Variants in TECR observed in about 807,000 individuals in gnomAD.
TECR encodes the protein trans-2,3-enoyl-CoA reductase, also known as very-long-chain enoyl-CoA reductase.
Under a neutral mutation model 50.6 loss-of-function variants are expected in TECR, and 19 were observed. The ratio of observed to expected loss-of-function variants is 0.38; its 90% confidence interval spans 0.26 to 0.55. The LOEUF (loss-of-function observed/expected upper bound fraction) is 0.55. Among genes scored for constraint, TECR ranks in the 20% least tolerant of loss-of-function variants. TECR has a pLI of 0.79. For missense variants in TECR, 313 were observed against 408.3 expected, an observed-to-expected ratio of 0.77 and a Z score of 2.01; for synonymous variants, 168 against 163.5, an observed-to-expected ratio of 1.03 and a Z score of -0.21.
Position 14,529,631 on chromosome 19 carries a change from G to T in TECR, c.-66G>T, listed in dbSNP as rs377724067. ...GCTGCGGTTGCGAGCGCTGTAGGGA[G>T]CCTGTGCTGTGCCGCGCAGTTAGGC... is the stretch of plus-strand genomic sequence containing the variant. On this transcript the variant is annotated 5_prime_UTR_variant, in exon 1 of 13. Transcript: ENST00000215567. 2.2e-4 allele frequency: 351 copies of T among 1,612,784 alleles called. 2 individuals carry two copies. The highest frequency in any genetic ancestry group is 1.1e-3 in the South Asian group (101 of 91,068).
In TECR at chr19:14,563,648, C is replaced by A. The variant is rs936476818; in HGVS notation, c.119-10C>A. ...GGCTGTGGGCTGTAACTGCCCTGTT[C>A]TCCCCGCAGATCCGCAGTGGTACCC... On this transcript the variant is annotated splice_polypyrimidine_tract_variant and intron_variant, in intron 3 of 12. Coordinates refer to ENST00000215567, the MANE Select transcript of TECR (RefSeq NM_138501.6). The surrounding 1 kb of genome is among the most constrained non-coding windows in gnomAD (Gnocchi z 5.3). 17 of 1,611,300 alleles carry A rather than the reference C, an allele frequency of 1.1e-5. No homozygotes were observed. The highest frequency in any genetic ancestry group is 2.7e-5 in the African/African-American group (2 of 74,838).
intron 8 of TECR, 31 bp downstream of exon 8, chr19:14,564,889 C>G (rs1235453907): frequency 1.2e-6 from 2 of 1,614,068 alleles, no homozygotes; most frequent in Admixed American, 1.7e-5. Context: ...CTTCCCTCCC[C>G]CACGGTCCCC....
At position 14,565,898 on chromosome 19, in the gene TECR, C is replaced by T. The variant is rs755908499; in HGVS notation, c.*27C>T. 7.7e-6 allele frequency: 12 copies of T among 1,563,728 alleles called. No homozygotes were observed. Among genetic ancestry groups the T allele is most frequent in the Non-Finnish European group, 1.0e-5 (12 of 1,156,782 alleles). On this transcript the variant is annotated 3_prime_UTR_variant, in exon 13 of 13. Transcript: ENST00000215567. ...CGCTCACCCCTGCTGAGGCTCAGCCCCTCAACCCGGTGGCATTCTGGGGGA... is the reference window on the plus strand; with the variant it reads ...CGCTCACCCCTGCTGAGGCTCAGCCTCTCAACCCGGTGGCATTCTGGGGGA...
chr19:14,563,401 C>A lies in TECR; in HGVS notation c.118+144C>A. 1 of 894,130 alleles carries A rather than the reference C, an allele frequency of 1.1e-6. No homozygotes were observed. The highest frequency in any genetic ancestry group is 1.8e-6 in the Non-Finnish European group (1 of 557,940). The allele number at this position is 894,130 out of a possible 1,614,324, so 55.4% of individuals were successfully genotyped here. A position where few individuals can be genotyped will look rare whatever the true frequency, so the allele number is the denominator to read the frequency against. On this transcript the variant is annotated intron_variant, in intron 3 of 12. Coordinates refer to ENST00000215567, the MANE Select transcript of TECR (RefSeq NM_138501.6). The surrounding 1 kb of genome is among the most constrained non-coding windows in gnomAD (Gnocchi z 5.3). ...CCAGGCTTCTGGGGCGTGACTGGGG[C>A]AGGCGCCTCCACGTGGCACTCCGCA...
At chr19:14,537,022 T>G (rs1323419372) in intron 1 of TECR, among the ~76,000 whole-genome samples, 131 of 53,172 alleles carry the variant, frequency 2.5e-3, no homozygotes, top group African/African-American at 2.9e-3. Flanking sequence ...CGGGGAGGGG[T>G]GTCGAGGAGG....
At chr19:14,539,274 G>A (rs1420063303) in intron 1 of TECR, among the ~76,000 whole-genome samples, 2 of 150,544 alleles carry the variant, frequency 1.3e-5, no homozygotes, top group South Asian at 2.1e-4. Flanking sequence ...GATTACAGGC[G>A]TGAGCCACCA....
intron 1 of TECR, among the ~76,000 whole-genome samples, chr19:14,553,710 G>A (rs1164428542): frequency 1.3e-5 from 2 of 152,044 alleles, no homozygotes; most frequent in Non-Finnish European, 2.9e-5. Context: ...TGATGGGGGC[G>A]AGGTGATGGG....
In TECR at chr19:14,563,235, C is replaced by G. The variant is rs757780004; in HGVS notation, c.96C>G (p.Ile32Met). The change falls in exon 3 of 13, where the codon ATC becomes ATG. Residue 32 changes from isoleucine (I) to methionine (M), a missense_variant. Ile to Met is a conservative substitution (Grantham distance 10). Coordinates refer to ENST00000215567, the MANE Select transcript of TECR (RefSeq NM_138501.6). The surrounding 1 kb of genome is among the most constrained non-coding windows in gnomAD (Gnocchi z 5.3). ...KVEPHATIAE[I>M]KNLFTKTHPQ... ...AGCCCCACGCCACCATTGCGGAGAT[C>G]AAGAACCTCTTCACTAAGACCCGTG... The G allele has an allele frequency of 6.2e-7, 1 of 1,613,656 alleles. No individual in the cohort carries two copies.
rs143859536 is a variant in TECR at position 14,536,161 on chromosome 19, G to A, written c.15+6450G>A. ...CAGTATTGATTGATACTCTTCCTGG[G>A]AAGGTGGCAATGCTTACGGGCTTTG... On this transcript the variant is annotated intron_variant, in intron 1 of 12. Coordinates refer to ENST00000215567, the MANE Select transcript of TECR (RefSeq NM_138501.6). Among the ~76,000 whole-genome samples the A allele has an allele frequency of 8.7e-3, 1,331 of 152,252 alleles. 17 individuals are homozygous for A. The highest frequency in any genetic ancestry group is 0.031 in the African/African-American group (1,283 of 41,558).
intron 1 of TECR, among the ~76,000 whole-genome samples, chr19:14,543,358 T>G (rs569021729): frequency 1.4e-5 from 2 of 138,094 alleles, no homozygotes; most frequent in Non-Finnish European, 3.1e-5. Flanking sequence ...TTGGAAACAG[T>G]GTATTGCCTG....
rs756051119 is a variant in TECR at position 14,534,423 on chromosome 19, C to CTTTTTT, written c.15+4737_15+4742dup. Reference sequence around the variant, plus strand: ...ACAGGAGTGAGCCACCATGCCTGGCCTTTTTTTTTTTTTTTTTTTTTTTTT... The same window carrying CTTTTTT: ...ACAGGAGTGAGCCACCATGCCTGGCCTTTTTTTTTTTTTTTTTTTTTTTTTTTTTTT... On this transcript the variant is annotated intron_variant, in intron 1 of 12. Coordinates refer to ENST00000215567, the MANE Select transcript of TECR (RefSeq NM_138501.6). Among the ~76,000 whole-genome samples the CTTTTTT allele has an allele frequency of 2.5e-4, 13 of 52,488 alleles. 3 individuals are homozygous for CTTTTTT. The highest frequency in any genetic ancestry group is 9.3e-4 in the African/African-American group (10 of 10,704). 34.4% of individuals were successfully genotyped at this position (52,488 alleles called of 152,430 possible).
At chr19:14,528,605 G>A (rs1280963226), upstream of TECR, among the ~76,000 whole-genome samples, 1 of 152,186 alleles carries the variant, frequency 6.6e-6, no homozygotes, top group Admixed American at 6.6e-5. Context: ...TGGACGTCAG[G>A]CAGAGACCAA....
intron 7 of TECR, 110 bp from the exon 8 acceptor site, chr19:14,564,676 C>A: frequency 8.2e-7 from 1 of 1,220,192 alleles, no homozygotes; most frequent in Non-Finnish European, 1.2e-6. Context: ...GCCCCAAGGC[C>A]CCTCCTGTCC....
Position 14,529,654 on chromosome 19 carries a change from G to T in TECR, c.-43G>T. The T allele has an allele frequency of 1.2e-6, 2 of 1,613,860 alleles. No individual in the cohort carries two copies. The highest frequency in any genetic ancestry group is 1.7e-6 in the Non-Finnish European group (2 of 1,180,020). On this transcript the variant is annotated 5_prime_UTR_variant, in exon 1 of 13. In the 5' UTR this introduces an upstream ATG that the reference lacks. Coordinates refer to ENST00000215567, the MANE Select transcript of TECR (RefSeq NM_138501.6). Reference sequence around the variant, plus strand: ...GAGCCTGTGCTGTGCCGCGCAGTTAGGCAGCAGCAGCCGCGGAGCAGTAGC... The same window carrying T: ...GAGCCTGTGCTGTGCCGCGCAGTTATGCAGCAGCAGCCGCGGAGCAGTAGC...
chr19:14,548,685 C>G (rs902261277), intron 1 of TECR, among the ~76,000 whole-genome samples: 1 of 152,140 alleles, frequency 6.6e-6, no homozygotes, highest in Non-Finnish European at 1.5e-5. Context: ...TCAAGCAATT[C>G]TCCTGTCTCA....
At chr19:14,534,249 C>T (rs1383021068) in intron 1 of TECR, among the ~76,000 whole-genome samples, 4 of 151,594 alleles carry the variant, frequency 2.6e-5, no homozygotes, top group Admixed American at 1.3e-4. Flanking sequence ...CTCAGCCTCC[C>T]GAGTAGCTGG....
chr19:14,556,248 T>G (rs1281799512), intron 1 of TECR, among the ~76,000 whole-genome samples: 1 of 152,120 alleles, frequency 6.6e-6, no homozygotes, highest in Non-Finnish European at 1.5e-5. Context: ...TCCCTCTGCC[T>G]GGACTGCACT....
intron 1 of TECR, among the ~76,000 whole-genome samples, chr19:14,559,255 G>T (rs1046157918): frequency 5.3e-5 from 8 of 152,050 alleles, no homozygotes; most frequent in African/African-American, 1.9e-4. Flanking sequence ...GTGCATCATT[G>T]TGCAGCCTCC....
chr19:14,547,062 T>C (rs542526019), intron 1 of TECR, among the ~76,000 whole-genome samples: 1 of 152,306 alleles, frequency 6.6e-6, no homozygotes, highest in East Asian at 1.9e-4. Flanking sequence ...CATAAACATG[T>C]ATTATAATAA....
Sources: gnomAD v4.1 joint callset for allele counts (sites outside exome capture counted in the v4.1 genomes callset) on GRCh38, gnomAD v4.1.1 for gene constraint, Gnocchi (gnomAD v3.1) non-coding constraint, MANE v1.5 for transcripts, NCBI Gene and HGNC (gene_info 2026-07-23, HGNC 2026-07-21) for gene names.